Variants in AGBL1 observed in about 807,000 individuals in gnomAD.
AGBL1 encodes AGBL carboxypeptidase 1.
A neutral mutation model predicts 118.9 loss-of-function variants in AGBL1; 130 were observed. The observed-to-expected ratio is 1.09, with a 90% CI of 0.95 to 1.26. The LOEUF is 1.26. Among genes scored for constraint, AGBL1 ranks in the 50% most tolerant of loss-of-function variants. The pLI is 0.00. For missense variants in AGBL1, 1,584 were observed against 1,298.1 expected, an observed-to-expected ratio of 1.22 and a Z score of -3.38; for synonymous variants, 555 against 478.9, an observed-to-expected ratio of 1.16 and a Z score of -2.08.
intron 5 of AGBL1, among the ~76,000 whole-genome samples, chr15:86,180,171 C>T (rs2040560180): frequency 6.6e-6 from 1 of 151,894 alleles, no homozygotes; most frequent in African/African-American, 2.4e-5. Flanking sequence ...TGAAGGCTTT[C>T]TGTATGTTGT....
chr15:86,511,393 C>G (rs1423088799), intron 18 of AGBL1, among the ~76,000 whole-genome samples: 2 of 152,102 alleles, frequency 1.3e-5, no homozygotes, highest in East Asian at 1.9e-4. Context: ...GGAGCAGACA[C>G]CTTTCATTTC....
At chr15:86,802,200 A>G (rs1229240062) in intron 22 of AGBL1, among the ~76,000 whole-genome samples, 6 of 152,078 alleles carry the variant, frequency 3.9e-5, no homozygotes, top group African/African-American at 1.2e-4. Context: ...TCAGCTCTCA[A>G]CTTTGAATTA....
At chr15:87,017,919 G>A (rs1318837632) in intron 24 of AGBL1, among the ~76,000 whole-genome samples, 1 of 152,118 alleles carries the variant, frequency 6.6e-6, no homozygotes, top group Non-Finnish European at 1.5e-5. Flanking sequence ...TACAAAAGCT[G>A]ATAGCCAGGA....
intron 22 of AGBL1, among the ~76,000 whole-genome samples, chr15:86,859,685 G>T (rs577038124): frequency 1.8e-4 from 27 of 152,296 alleles, no homozygotes; most frequent in African/African-American, 5.8e-4. Context: ...GTCTGGACGA[G>T]TCGCCTTAGA....
At chr15:86,808,948 G>A (rs1007541561) in intron 22 of AGBL1, among the ~76,000 whole-genome samples, 5 of 151,980 alleles carry the variant, frequency 3.3e-5, no homozygotes, top group African/African-American at 7.2e-5. Context: ...TAGCACTCCT[G>A]ATAGATAATG....
chr15:86,141,969 A>T lies in AGBL1; in HGVS notation c.52-35A>T, dbSNP rs2076969034. The T allele has an allele frequency of 1.9e-6, 3 of 1,544,548 alleles. No homozygotes were observed. In the East Asian group the frequency reaches 7.4e-5, roughly 38 times the overall value. On this transcript the variant is annotated intron_variant, in intron 1 of 22. Coordinates refer to ENST00000614907, the MANE Select transcript of AGBL1 (RefSeq NM_001386094.1). ...TGATCATCCAACTCCTTCCTCTTGC[A>T]TTCTTAAATATGGCTGCCTGTGTTC... is the stretch of plus-strand genomic sequence containing the variant.
intron 22 of AGBL1, among the ~76,000 whole-genome samples, chr15:86,829,659 G>T (rs1045984601): frequency 1.3e-5 from 2 of 152,152 alleles, no homozygotes; most frequent in African/African-American, 4.8e-5. Context: ...GGCTGAGCTT[G>T]TTGCATAGGA....
intron 18 of AGBL1, among the ~76,000 whole-genome samples, chr15:86,434,448 G>T (rs2081975785): frequency 6.6e-6 from 1 of 152,128 alleles, no homozygotes; most frequent in Non-Finnish European, 1.5e-5. Context: ...AGTGCAGTTT[G>T]CTTACATTTA....
intron 18 of AGBL1, among the ~76,000 whole-genome samples, chr15:86,451,047 G>A (rs2082186337): frequency 1.3e-5 from 2 of 152,100 alleles, no homozygotes; most frequent in Admixed American, 1.3e-4. Flanking sequence ...ATTTAGAAAT[G>A]TATACATATG....
chr15:86,840,255 C>A (rs2079226607), intron 22 of AGBL1, among the ~76,000 whole-genome samples: 1 of 152,074 alleles, frequency 6.6e-6, no homozygotes, highest in Non-Finnish European at 1.5e-5. Flanking sequence ...AAGCAGTTTT[C>A]ATTTCATCAA....
chr15:86,617,372 G>T (rs946959357), intron 21 of AGBL1, among the ~76,000 whole-genome samples: 1 of 152,124 alleles, frequency 6.6e-6, no homozygotes, highest in African/African-American at 2.4e-5. Context: ...GCCCAAACTG[G>T]CTTTCTTCCA....
chr15:86,284,840 G>T (rs750012397), intron 16 of AGBL1, among the ~76,000 whole-genome samples: 3 of 152,204 alleles, frequency 2.0e-5, no homozygotes, highest in Non-Finnish European at 4.4e-5. Context: ...GAGGACTCCT[G>T]TGGAGAGACA....
At chr15:86,630,921 T>G (rs2084952853) in intron 21 of AGBL1, 1 of 159,578 alleles carries the variant, frequency 6.3e-6, no homozygotes, top group Non-Finnish European at 1.3e-5. Context: ...TGGAGCAACG[T>G]GCTATTTTAA....
At chr15:86,868,627 C>T (rs191735431) in intron 22 of AGBL1, among the ~76,000 whole-genome samples, 3 of 152,222 alleles carry the variant, frequency 2.0e-5, no homozygotes, top group African/African-American at 4.8e-5. Flanking sequence ...GATGTTGTAA[C>T]GAAATATGAC....
intron 22 of AGBL1, among the ~76,000 whole-genome samples, chr15:86,769,063 G>C (rs1596465062): frequency 6.6e-6 from 1 of 151,954 alleles, no homozygotes; most frequent in African/African-American, 2.4e-5. Flanking sequence ...TCAGTTGCCA[G>C]TGTCCAATCC....
chr15:86,611,873 C>A (rs1490578459), intron 21 of AGBL1, among the ~76,000 whole-genome samples: 1 of 152,080 alleles, frequency 6.6e-6, no homozygotes, highest in Non-Finnish European at 1.5e-5. Flanking sequence ...CACAAGACTG[C>A]CAAGAAAGTT....
chr15:86,483,614 T>G (rs906173024), intron 18 of AGBL1, among the ~76,000 whole-genome samples: 5 of 152,098 alleles, frequency 3.3e-5, no homozygotes, highest in African/African-American at 4.8e-5. Context: ...GTTTCAGGCT[T>G]GCTCCAAGGA....
At chr15:86,123,688 C>G (rs558627779) in intron 1 of AGBL1, among the ~76,000 whole-genome samples, 2 of 152,312 alleles carry the variant, frequency 1.3e-5, no homozygotes, top group South Asian at 4.1e-4. Context: ...CCTTTCTGGA[C>G]CAAACCAATG....
intron 24 of AGBL1, among the ~76,000 whole-genome samples, chr15:87,025,207 A>T (rs1361887275): frequency 6.6e-6 from 1 of 152,024 alleles, no homozygotes; most frequent in Non-Finnish European, 1.5e-5. Flanking sequence ...TTTGCTGATG[A>T]TATGATTGTT....
Sources: gnomAD v4.1 joint callset for allele counts (sites outside exome capture counted in the v4.1 genomes callset) on GRCh38, gnomAD v4.1.1 for gene constraint, MANE v1.5 for transcripts, NCBI Gene and HGNC (gene_info 2026-07-23, HGNC 2026-07-21) for gene names.